The following ADAMTSL1 variants were observed in gnomAD, a reference collection of about 807,000 sequenced individuals.
The protein encoded by ADAMTSL1 is ADAMTS-like protein 1.
Under a neutral mutation model 201.8 loss-of-function variants are expected in ADAMTSL1, and 126 were observed. The ratio of observed to expected loss-of-function variants is 0.62; its 90% confidence interval spans 0.54 to 0.72. ADAMTSL1 has a LOEUF of 0.72. Ranked by LOEUF, ADAMTSL1 falls within the 30% of genes least tolerant of loss-of-function variation. The pLI is 0.00. For missense variants in ADAMTSL1, 2,679 were observed against 2,277.8 expected (o/e 1.18, Z -3.59); for synonymous variants, 1,121 against 903.4 (o/e 1.24, Z -4.32).
At chr9:18,432,377 T>C (rs546014080) in intron 2 of ADAMTSL1, among the ~76,000 whole-genome samples, 17 of 152,344 alleles carry the variant, frequency 1.1e-4, no homozygotes, top group Admixed American at 9.2e-4. Flanking sequence ...TGTATGAATC[T>C]TTCAACTAGA....
intron 2 of ADAMTSL1, among the ~76,000 whole-genome samples, chr9:18,397,995 G>C (rs1817820715): frequency 6.6e-6 from 1 of 152,166 alleles, no homozygotes; most frequent in Admixed American, 6.5e-5. Flanking sequence ...GAGCAGTACA[G>C]TATTGTCTTG....
At chr9:18,415,231 C>T (rs1488291941) in intron 2 of ADAMTSL1, among the ~76,000 whole-genome samples, 1 of 152,142 alleles carries the variant, frequency 6.6e-6, no homozygotes, top group African/African-American at 2.4e-5. Context: ...GGAGCAAAAT[C>T]AACCCATCAC....
intron 4 of ADAMTSL1, among the ~76,000 whole-genome samples, chr9:18,602,440 G>A (rs770034982): frequency 3.2e-4 from 48 of 152,314 alleles, no homozygotes; most frequent in African/African-American, 7.0e-4. Context: ...GGTTTGCAGC[G>A]TAGAGGAATG....
In ADAMTSL1 at chr9:18,425,209, C is replaced by T. The variant is rs370251360; in HGVS notation, c.208-79620C>T. ...TCCCTCCCCCACTTCATCTTCTCTC[C>T]CTCTCATTTTATGTTCCAGCCCTCA... On this transcript the variant is annotated intron_variant, in intron 2 of 29. Transcript: ENST00000680146. Among the ~76,000 whole-genome samples the T allele has an allele frequency of 9.9e-5, 15 of 151,908 alleles. No individual in the cohort carries two copies. The South Asian group carries it at 2.9e-3, about 30-fold the overall frequency.
chr9:18,517,773 T>A (rs990379646), intron 2 of ADAMTSL1, among the ~76,000 whole-genome samples: 4 of 152,230 alleles, frequency 2.6e-5, no homozygotes, highest in Non-Finnish European at 4.4e-5. Context: ...GGTGTATATG[T>A]GCCACATTTT....
chr9:18,087,507 A>G lies in ADAMTSL1; in HGVS notation c.88-76355A>G, dbSNP rs1427234049. Among the ~76,000 whole-genome samples, 3 of 152,140 alleles carry G rather than the reference A, an allele frequency of 2.0e-5. No individual in the cohort carries two copies. The South Asian group carries it at 6.2e-4, about 31-fold the overall frequency. ...TCAAAATTTTTAATTTTTTTAAAAC[A>G]AATCTCTTCATAAAATGTACTTTCT... On this transcript the variant is annotated intron_variant, in intron 1 of 29. Coordinates refer to the ADAMTSL1 transcript ENST00000680146.
chr9:18,545,199 T>C (rs77459913), intron 3 of ADAMTSL1, among the ~76,000 whole-genome samples: 3,020 of 152,276 alleles, frequency 0.02, 38 homozygotes, highest in Non-Finnish European at 0.031. Context: ...CCCAAACTCA[T>C]TCAATTCTCA....
At chr9:18,214,172 C>T (rs1213966932) in intron 2 of ADAMTSL1, among the ~76,000 whole-genome samples, 4 of 152,150 alleles carry the variant, frequency 2.6e-5, no homozygotes, top group African/African-American at 9.7e-5. Flanking sequence ...CTCTTTCTAA[C>T]AGCAGTATTC....
Position 18,544,801 on chromosome 9 carries a change from C to A in ADAMTSL1, c.237+11509C>A, listed in dbSNP as rs941975052. Among the ~76,000 whole-genome samples the A allele has an allele frequency of 5.9e-5, 9 of 152,156 alleles. No homozygotes were observed. The East Asian group carries it at 1.5e-3, about 26-fold the overall frequency. On this transcript the variant is annotated intron_variant, in intron 3 of 28. Coordinates refer to ENST00000380548, the MANE Select transcript of ADAMTSL1 (RefSeq NM_001040272.6). ...GCCATGATCAGTTGTTATATTGAGACCCACTCAGCTAGAGCTAACTCCTAT... is the reference window on the plus strand; with the variant it reads ...GCCATGATCAGTTGTTATATTGAGAACCACTCAGCTAGAGCTAACTCCTAT...
At position 18,383,991 on chromosome 9, in the gene ADAMTSL1, A is replaced by G. The variant is rs140072976; in HGVS notation, c.208-120838A>G. ...CCAGGTAATGGTGATACTGCTGCTC[A>G]TTGCTTTGTGGACCATATTTTGAGG... On this transcript the variant is annotated intron_variant, in intron 2 of 29. Coordinates refer to the ADAMTSL1 transcript ENST00000680146. 6.8e-3 allele frequency among the ~76,000 whole-genome samples: 1,038 copies of G among 152,232 alleles called. 6 individuals are homozygous for G. The highest frequency in any genetic ancestry group is 0.027 in the Middle Eastern group (8 of 294).
intron 16 of ADAMTSL1, among the ~76,000 whole-genome samples, chr9:18,762,286 G>C (rs1820116662): frequency 6.6e-6 from 1 of 152,148 alleles, no homozygotes; most frequent in African/African-American, 2.4e-5. Context: ...GTGGGTTGGA[G>C]GTGATTTGTT....
intron 2 of ADAMTSL1, among the ~76,000 whole-genome samples, chr9:18,419,437 C>T (rs1818837944): frequency 6.6e-6 from 1 of 152,098 alleles, no homozygotes; most frequent in Admixed American, 6.6e-5. Context: ...ACCCAGTAGT[C>T]CTATTGCTGG....
At chr9:17,936,388 T>C (rs891829783) in intron 1 of ADAMTSL1, among the ~76,000 whole-genome samples, 1 of 152,144 alleles carries the variant, frequency 6.6e-6, no homozygotes, top group Non-Finnish European at 1.5e-5. Context: ...CAGTGAAAGA[T>C]TACTGGTGAC....
chr9:18,765,569 C>T (rs1056912168), intron 16 of ADAMTSL1, among the ~76,000 whole-genome samples: 2 of 152,124 alleles, frequency 1.3e-5, no homozygotes, highest in South Asian at 4.2e-4. Context: ...TCAGCTCATA[C>T]CCTGACCACT....
At chr9:18,229,354 A>C (rs982962330) in intron 2 of ADAMTSL1, among the ~76,000 whole-genome samples, 11 of 152,110 alleles carry the variant, frequency 7.2e-5, no homozygotes, top group African/African-American at 2.7e-4. Flanking sequence ...AAGGGACATG[A>C]TTATGGTCCT....
intron 1 of ADAMTSL1, among the ~76,000 whole-genome samples, chr9:18,483,776 G>A (rs370251405): frequency 3.3e-5 from 5 of 152,270 alleles, no homozygotes; most frequent in African/African-American, 9.6e-5. Flanking sequence ...GCAGTGAGCC[G>A]AGATTGTGCC....
intron 26 of ADAMTSL1, among the ~76,000 whole-genome samples, chr9:18,903,016 C>T (rs996818787): frequency 2.0e-5 from 3 of 152,006 alleles, no homozygotes; most frequent in South Asian, 2.1e-4. Flanking sequence ...ACCAGCCTGG[C>T]CAACATGGCA....
intron 3 of ADAMTSL1, among the ~76,000 whole-genome samples, chr9:18,560,914 G>T (rs1821448258): frequency 6.8e-6 from 1 of 146,476 alleles, no homozygotes. Context: ...TTATTAGTCT[G>T]GCTAGTGCTC....
intron 2 of ADAMTSL1, among the ~76,000 whole-genome samples, chr9:18,190,355 C>G (rs1828922180): frequency 6.6e-6 from 1 of 152,138 alleles, no homozygotes. Flanking sequence ...ATGGAAAATC[C>G]ATCTAAGCTG....
Sources: allele counts gnomAD v4.1 joint callset (sites outside exome capture counted in the v4.1 genomes callset), GRCh38; gene constraint gnomAD v4.1.1; transcripts MANE v1.5; gene names NCBI Gene and HGNC (gene_info 2026-07-23, HGNC 2026-07-21).